ANKFN1: variants seen among roughly 807,000 people sequenced by gnomAD.
ANKFN1 encodes the protein ankyrin repeat and fibronectin type III domain containing 1.
ANKFN1 carries 74 observed loss-of-function variants against 108.7 expected under a neutral mutation model. The ratio of observed to expected loss-of-function variants is 0.68; its 90% CI spans 0.56 to 0.83. The LOEUF (loss-of-function observed/expected upper bound fraction) is 0.83. ANKFN1 is among the 40% of genes least tolerant of loss of function. The pLI is 0.00. For missense variants in ANKFN1, 1,505 were observed against 1,382.3 expected, an observed-to-expected ratio of 1.09 and a Z score of -1.41; for synonymous variants, 547 against 516.2, an observed-to-expected ratio of 1.06 and a Z score of -0.81.
chr17:56,500,047 C>G (rs1331717656), intron 20 of ANKFN1, among the ~76,000 whole-genome samples: 4 of 152,160 alleles, frequency 2.6e-5, no homozygotes, highest in Non-Finnish European at 5.9e-5. Flanking sequence ...GGATTCAAAT[C>G]CCAGCTTTGT....
At chr17:56,108,454 A>G (rs1905793645) in intron 4 of ANKFN1, among the ~76,000 whole-genome samples, 1 of 152,218 alleles carries the variant, frequency 6.6e-6, no homozygotes, top group African/African-American at 2.4e-5. Flanking sequence ...CATGTGTTTA[A>G]CAAATGCTTA....
In ANKFN1 at chr17:56,382,116, A is replaced by G. The variant is rs570782457; in HGVS notation, c.910+7402A>G. Among the ~76,000 whole-genome samples the G allele has an allele frequency of 3.3e-5, 5 of 152,358 alleles. No individual in the cohort carries two copies. In the South Asian group the frequency reaches 1.0e-3, roughly 32 times the overall value. On this transcript the variant is annotated intron_variant, in intron 8 of 20. Coordinates refer to ENST00000682825, the MANE Select transcript of ANKFN1 (RefSeq NM_001370326.1). ...TTACCCACAAAAGGAAGCCCATCAG[A>G]CTAACAGCGGATCTCTCGGCAGAAA...
intron 8 of ANKFN1, among the ~76,000 whole-genome samples, chr17:56,375,556 G>A (rs1278631190): frequency 6.6e-6 from 1 of 152,192 alleles, no homozygotes; most frequent in Non-Finnish European, 1.5e-5. Context: ...GGTAGGGACA[G>A]GATCAGAGGT....
intron 3 of ANKFN1, among the ~76,000 whole-genome samples, chr17:56,262,894 C>G (rs1007667166): frequency 6.6e-5 from 10 of 152,182 alleles, no homozygotes; most frequent in African/African-American, 1.9e-4. Context: ...ACTTTTCCCC[C>G]CTTTGTCTAT....
intron 14 of ANKFN1, among the ~76,000 whole-genome samples, chr17:56,465,637 C>G (rs1158745414): frequency 1.3e-5 from 2 of 152,146 alleles, no homozygotes; most frequent in Non-Finnish European, 2.9e-5. Context: ...TCTTCAAACC[C>G]TGCATATTTG....
chr17:56,162,852 A>G (rs1264327302), intron 1 of ANKFN1, among the ~76,000 whole-genome samples: 3 of 152,034 alleles, frequency 2.0e-5, no homozygotes, highest in African/African-American at 7.2e-5. Flanking sequence ...CCTAGCCAAT[A>G]TGGTGAAACC....
intron 2 of ANKFN1, among the ~76,000 whole-genome samples, chr17:56,218,763 C>T (rs1323319699): frequency 6.6e-6 from 1 of 152,140 alleles, no homozygotes; most frequent in African/African-American, 2.4e-5. Context: ...AGTCCCTCTC[C>T]CTGGAATTCA....
chr17:56,235,773 G>A (rs1040664270), intron 3 of ANKFN1, among the ~76,000 whole-genome samples: 5 of 152,146 alleles, frequency 3.3e-5, no homozygotes, highest in African/African-American at 1.2e-4. Flanking sequence ...ATTATAGTTT[G>A]AAGTTGGCTA....
chr17:56,414,367 A>G (rs888582790), intron 8 of ANKFN1, among the ~76,000 whole-genome samples: 2 of 152,228 alleles, frequency 1.3e-5, no homozygotes, highest in African/African-American at 4.8e-5. Flanking sequence ...GATGGGTGGA[A>G]GAGGAGGAAC....
At chr17:56,375,984 A>G (rs2046936913) in intron 8 of ANKFN1, among the ~76,000 whole-genome samples, 2 of 152,230 alleles carry the variant, frequency 1.3e-5, no homozygotes, top group Non-Finnish European at 2.9e-5. Context: ...TACGAGGAAC[A>G]AAAAAGGAAA....
intron 3 of ANKFN1, among the ~76,000 whole-genome samples, chr17:56,262,854 A>C (rs2043553130): frequency 6.6e-6 from 1 of 152,168 alleles, no homozygotes; most frequent in Non-Finnish European, 1.5e-5. Flanking sequence ...GACGAGCCAC[A>C]AAAGGAGTAA....
At chr17:56,082,139 CCA>C (rs1905253195) in intron 4 of ANKFN1, among the ~76,000 whole-genome samples, 1 of 152,150 alleles carries the variant, frequency 6.6e-6, no homozygotes, top group South Asian at 2.1e-4. Context: ...TGACTAGCTA[CCA>C]GTTAGTAACA....
At chr17:56,289,255 G>C (rs185307916) in intron 3 of ANKFN1, among the ~76,000 whole-genome samples, 27 of 152,278 alleles carry the variant, frequency 1.8e-4, no homozygotes, top group Admixed American at 4.6e-4. Context: ...GTAGGGGAGA[G>C]CCTCACTTTA....
At chr17:56,138,283 C>A (rs150271707) in intron 4 of ANKFN1, among the ~76,000 whole-genome samples, 19 of 151,584 alleles carry the variant, frequency 1.3e-4, no homozygotes, top group African/African-American at 4.1e-4. Context: ...CAAAAAAAGT[C>A]CATCCAGAAA....
rs768740920 is a variant in ANKFN1 at position 56,350,923 on chromosome 17, T to G, written c.346T>G (p.Phe116Val). 6.2e-7 allele frequency: 1 copy of G among 1,613,684 alleles called. No individual in the cohort carries two copies. The highest frequency in any genetic ancestry group is 8.5e-7 in the Non-Finnish European group (1 of 1,179,846). The change falls in exon 5 of 21, where the codon TTT becomes GTT. Residue 116 changes from phenylalanine to valine, a missense_variant. By Grantham distance (50) the Phe-to-Val change is conservative. Coordinates refer to ENST00000682825, the MANE Select transcript of ANKFN1 (RefSeq NM_001370326.1). ...CCACTCTTCCTTCGATGAGGCCTAT[T>G]TTAGGACAAGAACTGATCGGCTGAG... ...GSHSSFDEAY[F>V]RTRTDRLSLR...
upstream of ANKFN1, among the ~76,000 whole-genome samples, chr17:56,151,263 G>A (rs1908585351): frequency 6.6e-6 from 1 of 152,064 alleles, no homozygotes; most frequent in Admixed American, 6.5e-5. Context: ...TGCTCCCTTT[G>A]GTTGGAATCT....
At chr17:56,450,888 G>A (rs900504709) in intron 11 of ANKFN1, among the ~76,000 whole-genome samples, 1 of 152,176 alleles carries the variant, frequency 6.6e-6, no homozygotes, top group African/African-American at 2.4e-5. Context: ...AAAAATGATT[G>A]CCTAGATGGT....
At chr17:56,454,946 A>G (rs2049635338) in intron 11 of ANKFN1, among the ~76,000 whole-genome samples, 1 of 152,182 alleles carries the variant, frequency 6.6e-6, no homozygotes, top group Non-Finnish European at 1.5e-5. Context: ...AGAGTAGGGA[A>G]GAGGTATCTG....
rs574503670 is a variant in ANKFN1 at position 56,387,388 on chromosome 17, T to C, written c.910+12674T>C. On this transcript the variant is annotated intron_variant, in intron 8 of 20. Coordinates refer to ENST00000682825, the MANE Select transcript of ANKFN1 (RefSeq NM_001370326.1). ...TTATTTGTAAACAATTTGTAATTTG[T>C]TTCACTTCCATGTTAATCCAAGAGT... 1.6e-4 allele frequency among the ~76,000 whole-genome samples: 24 copies of C among 152,334 alleles called. 1 individual carries two copies. In the South Asian group the frequency reaches 2.1e-3, roughly 13 times the overall value.
Sources: gnomAD v4.1 joint callset for allele counts (sites outside exome capture counted in the v4.1 genomes callset) on GRCh38, gnomAD v4.1.1 for gene constraint, MANE v1.5 for transcripts, NCBI Gene and HGNC (gene_info 2026-07-23, HGNC 2026-07-21) for gene names.